The following SFRP4 variants were observed in gnomAD, a reference collection of about 807,000 sequenced individuals.
SFRP4 encodes the protein secreted frizzled related protein 4, also known as secreted frizzled-related protein 4.
Under a neutral mutation model 36.3 loss-of-function variants are expected in SFRP4, and 25 were observed. The observed-to-expected ratio is 0.69, with a 90% CI of 0.50 to 0.96. SFRP4 has a LOEUF of 0.96. Among genes scored for constraint, SFRP4 ranks in the 40% least tolerant of loss-of-function variants. The pLI, the probability that SFRP4 is intolerant of heterozygous loss-of-function variation, is 0.00. For synonymous variants in SFRP4, 182 were observed against 168.8 expected, an observed-to-expected ratio of 1.08 and a Z score of -0.60; for missense variants, 487 against 459.6, an observed-to-expected ratio of 1.06 and a Z score of -0.54.
At chr7:37,911,531 A>G (rs573249920) in intron 4 of SFRP4, among the ~76,000 whole-genome samples, 3 of 152,282 alleles carry the variant, frequency 2.0e-5, no homozygotes, top group Admixed American at 6.5e-5. Context: ...ACAAATACAC[A>G]CAGCTAGAAT....
chr7:37,916,615 C>A lies in SFRP4; in HGVS notation c.-78G>T. 6.6e-7 allele frequency: 1 copy of A among 1,514,984 alleles called. No individual in the cohort carries two copies. The allele number at this position is 1,514,984 out of a possible 1,614,324, so 93.8% of individuals were successfully genotyped here. ...CCTGCCACCCTCATCTTTCGCTGTC[C>A]CTTCGCCGAGGAAGAAATCCTCTGG... On this transcript the variant is annotated 5_prime_UTR_variant, in exon 1 of 6. Coordinates refer to ENST00000436072, the MANE Select transcript of SFRP4 (RefSeq NM_003014.4). This position sits in a 1 kb window ranked among gnomAD's most constrained non-coding sequence, Gnocchi z 4.1.
At chr7:37,909,467 C>T in intron 5 of SFRP4, 150 bp downstream of exon 5, 1 of 461,456 alleles carries the variant, frequency 2.2e-6, no homozygotes, top group Non-Finnish European at 3.9e-6. Flanking sequence ...TAGCTACACT[C>T]TTAACGGCCT....
In SFRP4 at chr7:37,914,242, G is replaced by A; in HGVS notation, c.563C>T (p.Ala188Val). The change falls in exon 3 of 6, where the codon GCA becomes GTA. Residue 188 changes from alanine (A) to valine (V), a missense_variant. By Grantham distance (64) the Ala-to-Val change is moderately conservative. Coordinates refer to ENST00000436072, the MANE Select transcript of SFRP4 (RefSeq NM_003014.4). Reference sequence around the variant, plus strand: ...GCTGTAGTTTTTGCTGAGATACGTTGCCAAAGTTGGCTTCACCTTTTTACA... The same window carrying A: ...GCTGTAGTTTTTGCTGAGATACGTTACCAAAGTTGGCTTCACCTTTTTACA... ...CKCKKVKPTL[A>V]TYLSKNYSYV... The A allele has an allele frequency of 6.2e-7, 1 of 1,614,106 alleles. No homozygotes were observed. The highest frequency in any genetic ancestry group is 8.5e-7 in the Non-Finnish European group (1 of 1,179,934).
chr7:37,916,579 G>T lies in SFRP4; in HGVS notation c.-42C>A, dbSNP rs778330748. 5.1e-6 allele frequency: 8 copies of T among 1,579,572 alleles called. No individual in the cohort carries two copies. In the African/African-American group the frequency reaches 5.4e-5, roughly 11 times the overall value. ...GCTGCGACCCCGGCAGACAGAAAGC[G>T]CCCTTCTCTTCCTGCCACCCTCATC... On this transcript the variant is annotated 5_prime_UTR_variant, in exon 1 of 6. Coordinates refer to ENST00000436072, the MANE Select transcript of SFRP4 (RefSeq NM_003014.4). This position sits in a 1 kb window ranked among gnomAD's most constrained non-coding sequence, Gnocchi z 4.1.
chr7:37,910,620 C>G (rs1288078880), intron 4 of SFRP4, among the ~76,000 whole-genome samples: 2 of 151,558 alleles, frequency 1.3e-5, no homozygotes, highest in Non-Finnish European at 3.0e-5. Flanking sequence ...CTAATTTTGT[C>G]CTTTTTTTAA....
At position 37,907,421 on chromosome 7, in the gene SFRP4, A is replaced by C. The variant is rs1347064111; in HGVS notation, c.*58T>G. 6.8e-7 allele frequency: 1 copy of C among 1,477,764 alleles called. No individual in the cohort carries two copies. The highest frequency in any genetic ancestry group is 9.3e-7 in the Non-Finnish European group (1 of 1,076,350). 91.5% of individuals were successfully genotyped at this position (1,477,764 alleles called of 1,614,324 possible). ...TGGCCTTACATAGGCTGTCCCAGGC[A>C]ATGCCCAGCCTCATCCTGTAAGGAA... On this transcript the variant is annotated 3_prime_UTR_variant, in exon 6 of 6. Transcript: ENST00000436072.
At position 37,916,642 on chromosome 7, in the gene SFRP4, G is replaced by T; in HGVS notation, c.-105C>A. On this transcript the variant is annotated 5_prime_UTR_variant, in exon 1 of 6. Transcript: ENST00000436072. The surrounding 1 kb of genome is among the most constrained non-coding windows in gnomAD (Gnocchi z 4.1). ...TTCGCCGAGGAAGAAATCCTCTGGG[G>T]CGCAGGAGAGTTTCTTCCCCCAAAC... 2 of 1,449,042 alleles carry T rather than the reference G, an allele frequency of 1.4e-6. No homozygotes were observed. Among genetic ancestry groups the T allele is most frequent in the Non-Finnish European group, 1.8e-6 (2 of 1,093,178 alleles). 89.8% of individuals were successfully genotyped at this position (1,449,042 alleles called of 1,614,324 possible). A position where few individuals can be genotyped will look rare whatever the true frequency, so the allele number is the denominator to read the frequency against.
intron 4 of SFRP4, 68 bp from the exon 5 acceptor site, chr7:37,909,748 G>T (rs1045850803): frequency 9.7e-5 from 86 of 885,768 alleles, no homozygotes; most frequent in Non-Finnish European, 1.5e-4. Context: ...TACAGAAATT[G>T]TAAAAAAATT....
chr7:37,916,188 T>A lies in SFRP4; in HGVS notation c.350A>T (p.His117Leu). Residue 117 changes from histidine to leucine, a missense_variant, in exon 1 of 6, where the codon CAC becomes CTC. Physicochemically the swap from His to Leu is moderately conservative, Grantham distance 99. Transcript: ENST00000436072. The surrounding 1 kb of genome is among the most constrained non-coding windows in gnomAD (Gnocchi z 4.1). ...DCEPLMKMYN[H>L]SWPESLACDE... is the part of the protein sequence containing the mutation. ...GCAGGCCAGGCTTTCGGGCCAGCTG[T>A]GGTTGTACATCTTCATGAGGGGCTC... 3 of 1,614,132 alleles carry A rather than the reference T, an allele frequency of 1.9e-6. No individual in the cohort carries two copies. The highest frequency in any genetic ancestry group is 2.5e-6 in the Non-Finnish European group (3 of 1,180,038).
At position 37,909,683 on chromosome 7, in the gene SFRP4, G is replaced by GA. The variant is rs745763643; in HGVS notation, c.792-4dup. 58 of 1,546,624 alleles carry GA rather than the reference G, an allele frequency of 3.8e-5. No individual in the cohort carries two copies. The highest frequency in any genetic ancestry group is 7.0e-5 in the East Asian group (3 of 42,880). On this transcript the variant is annotated splice_polypyrimidine_tract_variant and splice_region_variant and intron_variant, in intron 4 of 5. Transcript: ENST00000436072. ...AGCAATTTTCAAGAAGCATCATCCT[G>GA]AAAAAAAATTATCTTAGTAAACAGA...
rs1785506517 is a variant in SFRP4 at position 37,912,338 on chromosome 7, A to G, written c.593-21T>C. On this transcript the variant is annotated intron_variant, in intron 3 of 5. Transcript: ENST00000436072. The stretch of plus-strand genomic sequence containing the variant: ...AATAACTGCAATTTAAAAATAGATA[A>G]AAGTGTTGTTGAAGGTTTTGGGGAA... 6 of 1,604,202 alleles carry G rather than the reference A, an allele frequency of 3.7e-6. No individual in the cohort carries two copies. The East Asian group carries it at 1.1e-4, about 30-fold the overall frequency.
At position 37,912,258 on chromosome 7, in the gene SFRP4, C is replaced by T. The variant is rs746754945; in HGVS notation, c.652G>A (p.Val218Met). Residue 218 changes from valine to methionine, a missense_variant, in exon 4 of 6, where the codon GTG (valine) becomes ATG (methionine). By Grantham distance (21) the Val-to-Met change is conservative. Transcript: ENST00000436072. ...GACTTGAAGATCTCTTTTACATCCA[C>T]CACCGTTGTGACCTCATTGCAGCCA... ...RSGCNEVTTV[V>M]DVKEIFKSSS... 1.1e-5 allele frequency: 18 copies of T among 1,613,998 alleles called. No individual in the cohort carries two copies. Among genetic ancestry groups the T allele is most frequent in the South Asian group, 3.3e-5 (3 of 91,082 alleles).
Position 37,916,419 on chromosome 7 carries a change from G to C in SFRP4, c.119C>G (p.Thr40Arg). 1 of 1,614,118 alleles carries C rather than the reference G, an allele frequency of 6.2e-7. No individual in the cohort carries two copies. Among genetic ancestry groups the C allele is most frequent in the Non-Finnish European group, 8.5e-7 (1 of 1,179,980 alleles). The change falls in exon 1 of 6, where the codon ACG (threonine) becomes AGG (arginine). Residue 40 changes from threonine (T) to arginine (R), a missense_variant. By Grantham distance (71) the Thr-to-Arg change is moderately conservative. Transcript: ENST00000436072. The surrounding 1 kb of genome is among the most constrained non-coding windows in gnomAD (Gnocchi z 4.1). ...PMCRHMPWNI[T>R]RMPNHLHHST... Reference sequence around the variant, plus strand: ...GTGGTGCAGGTGGTTGGGCATCCGCGTGATGTTCCAGGGCATGTGCCGGCA... The same window carrying C: ...GTGGTGCAGGTGGTTGGGCATCCGCCTGATGTTCCAGGGCATGTGCCGGCA...
Position 37,916,048 on chromosome 7 carries a change from C to T in SFRP4, c.445+45G>A. 6.4e-7 allele frequency: 1 copy of T among 1,571,692 alleles called. No individual in the cohort carries two copies. Among genetic ancestry groups the T allele is most frequent in the Non-Finnish European group, 8.6e-7 (1 of 1,156,618 alleles). The stretch of plus-strand genomic sequence containing the variant: ...CCCAGTTCTCGATTGGCAGCCACAG[C>T]CCCGGGCGCCTCCTCGCCTCCCTCC... On this transcript the variant is annotated intron_variant, in intron 1 of 5. Transcript: ENST00000436072. The surrounding 1 kb of genome is among the most constrained non-coding windows in gnomAD (Gnocchi z 4.1).
chr7:37,916,181 C>A lies in SFRP4; in HGVS notation c.357G>T (p.Trp119Cys). 1 of 1,614,176 alleles carries A rather than the reference C, an allele frequency of 6.2e-7. No homozygotes were observed. Reference sequence around the variant, plus strand: ...GCTCGTCGCAGGCCAGGCTTTCGGGCCAGCTGTGGTTGTACATCTTCATGA... The same window carrying A: ...GCTCGTCGCAGGCCAGGCTTTCGGGACAGCTGTGGTTGTACATCTTCATGA... Reference protein sequence around the residue: ...EPLMKMYNHSWPESLACDELP... With the variant: ...EPLMKMYNHSCPESLACDELP... The change falls in exon 1 of 6, where the codon TGG becomes TGT. Residue 119 changes from tryptophan (W) to cysteine (C), a missense_variant. Trp to Cys is a radical substitution (Grantham distance 215). Transcript: ENST00000436072. This position sits in a 1 kb window ranked among gnomAD's most constrained non-coding sequence, Gnocchi z 4.1.
Position 37,914,425 on chromosome 7 carries a change from G to A in SFRP4, c.474C>T (p.Asp158=), listed in dbSNP as rs749645277. The part of the protein sequence containing the change: ...EDVKWIDITP[D]MMVQERPLDV... ...CAAGAGGCCTTTCCTGTACCATCAT[G>A]TCTGGTGTGATGTCTATCCACTTAA... Residue 158 remains aspartate (D), a synonymous_variant, in exon 2 of 6, where the codon GAC becomes GAT. Transcript: ENST00000436072. 3.1e-6 allele frequency: 5 copies of A among 1,613,954 alleles called. No homozygotes were observed. The highest frequency in any genetic ancestry group is 2.2e-5 in the East Asian group (1 of 44,890).
At position 37,906,476 on chromosome 7, in the gene SFRP4, CCT is replaced by C. The variant is rs1300581544; in HGVS notation, c.*1001_*1002del. 1.3e-5 allele frequency: 2 copies of C among 152,168 alleles called. No individual in the cohort carries two copies. The highest frequency in any genetic ancestry group is 2.9e-5 in the Non-Finnish European group (2 of 68,028). 9.4% of individuals were successfully genotyped at this position (152,168 alleles called of 1,614,324 possible). On this transcript the variant is annotated 3_prime_UTR_variant, in exon 6 of 6. Coordinates refer to ENST00000436072, the MANE Select transcript of SFRP4 (RefSeq NM_003014.4). ...ATTTCAGAGGTGGAACCTCAACTTT[CCT>C]CTCTGTACATTTATATTTAACTCCT...
chr7:37,916,305 C>T lies in SFRP4; in HGVS notation c.233G>A (p.Cys78Tyr). 2 of 1,614,234 alleles carry T rather than the reference C, an allele frequency of 1.2e-6. No individual in the cohort carries two copies. The highest frequency in any genetic ancestry group is 1.7e-6 in the Non-Finnish European group (2 of 1,180,042). The change falls in exon 1 of 6, where the codon TGT becomes TAT. Residue 78 changes from cysteine (C) to tyrosine (Y), a missense_variant. Transcript: ENST00000436072. This position sits in a 1 kb window ranked among gnomAD's most constrained non-coding sequence, Gnocchi z 4.1. ...NCSAVLRFFL[C>Y]AMYAPICTLE... Reference sequence around the variant, plus strand: ...GGTGCAAATGGGCGCGTACATGGCACAGAGGAAGAAGCGCAGCACGGCGCT... The same window carrying T: ...GGTGCAAATGGGCGCGTACATGGCATAGAGGAAGAAGCGCAGCACGGCGCT...
rs374813560 is a variant in SFRP4 at position 37,913,677 on chromosome 7, T to C, written c.592+536A>G. On this transcript the variant is annotated intron_variant, in intron 3 of 5. Coordinates refer to ENST00000436072, the MANE Select transcript of SFRP4 (RefSeq NM_003014.4). ...GTAAGAGAGAGGAGGGCATTTAAAC[T>C]AGTTCGATAGTGTAACCATAGGATT... Among the ~76,000 whole-genome samples, 162 of 152,362 alleles carry C rather than the reference T, an allele frequency of 1.1e-3. 4 individuals carry two copies. The South Asian group carries it at 0.032, about 30-fold the overall frequency.
Sources: allele counts gnomAD v4.1 joint callset (sites outside exome capture counted in the v4.1 genomes callset), GRCh38; gene constraint gnomAD v4.1.1; non-coding constraint Gnocchi (gnomAD v3.1); transcripts MANE v1.5; gene names NCBI Gene and HGNC (gene_info 2026-07-23, HGNC 2026-07-21).